The following SDCCAG8 variants were observed in gnomAD, a reference collection of about 807,000 sequenced individuals.
SDCCAG8 encodes the protein SHH signaling and ciliogenesis regulator SDCCAG8.
SDCCAG8 carries 74 observed loss-of-function variants against 101.8 expected under a neutral mutation model. The ratio of observed to expected loss-of-function variants is 0.73; its 90% CI spans 0.60 to 0.88. The LOEUF (loss-of-function observed/expected upper bound fraction) is 0.88, where lower values mean the gene tolerates loss of function less well. SDCCAG8 is among the 40% of genes least tolerant of loss of function. The pLI is 0.00. For missense variants in SDCCAG8, 787 were observed against 822.6 expected (o/e 0.96, Z 0.53); for synonymous variants, 281 against 292.9 (o/e 0.96, Z 0.41).
intron 6 of SDCCAG8, among the ~76,000 whole-genome samples, chr1:243,296,057 G>A (rs1038388097): frequency 7.9e-5 from 12 of 151,904 alleles, no homozygotes; most frequent in South Asian, 4.1e-4. Context: ...GTGCAGTGGC[G>A]CAATCTCAGC....
At chr1:243,317,303 A>G (rs1276563484) in intron 9 of SDCCAG8, among the ~76,000 whole-genome samples, 2 of 151,274 alleles carry the variant, frequency 1.3e-5, no homozygotes, top group Admixed American at 1.3e-4. Context: ...ACAATAATAT[A>G]TACATATTTA....
At chr1:243,425,818 C>T (rs769920649) in intron 15 of SDCCAG8, among the ~76,000 whole-genome samples, 3 of 152,144 alleles carry the variant, frequency 2.0e-5, no homozygotes, top group African/African-American at 7.2e-5. Context: ...CTATTAAGAC[C>T]TTCAGTGGAT....
intron 16 of SDCCAG8, among the ~76,000 whole-genome samples, chr1:243,445,867 C>G (rs2082866867): frequency 6.6e-6 from 1 of 152,190 alleles, no homozygotes; most frequent in South Asian, 2.1e-4. Context: ...CTAAATCACT[C>G]CACTGCGTTT....
intron 16 of SDCCAG8, among the ~76,000 whole-genome samples, chr1:243,461,202 G>A (rs1659038744): frequency 1.3e-5 from 2 of 152,120 alleles, no homozygotes; most frequent in Non-Finnish European, 2.9e-5. Context: ...GCGCTATTTT[G>A]GATAAACATA....
chr1:243,325,604 A>T (rs1255688890), intron 9 of SDCCAG8, among the ~76,000 whole-genome samples: 1 of 152,136 alleles, frequency 6.6e-6, no homozygotes, highest in African/African-American at 2.4e-5. Context: ...GAAAATAAAT[A>T]TATAACTTGA....
At chr1:243,301,151 G>A (rs2071466307) in intron 6 of SDCCAG8, among the ~76,000 whole-genome samples, 2 of 152,104 alleles carry the variant, frequency 1.3e-5, no homozygotes, top group South Asian at 2.1e-4. Flanking sequence ...ACATAAAGAT[G>A]CAGTATTAAA....
At chr1:243,381,763 G>T (rs965668024) in intron 13 of SDCCAG8, among the ~76,000 whole-genome samples, 3 of 152,090 alleles carry the variant, frequency 2.0e-5, no homozygotes, top group Non-Finnish European at 4.4e-5. Flanking sequence ...CTTAGATTGC[G>T]CATACTCTAG....
intron 16 of SDCCAG8, among the ~76,000 whole-genome samples, chr1:243,435,376 C>A (rs1321261213): frequency 6.6e-6 from 1 of 152,152 alleles, no homozygotes; most frequent in Non-Finnish European, 1.5e-5. Flanking sequence ...AAATAATCCA[C>A]AAAAAGGTCT....
At chr1:243,286,621 G>A (rs568066096) in intron 5 of SDCCAG8, among the ~76,000 whole-genome samples, 16 of 152,236 alleles carry the variant, frequency 1.1e-4, no homozygotes, top group African/African-American at 3.4e-4. Flanking sequence ...TGAGCATACC[G>A]TTTCTGCCTT....
chr1:243,495,253 C>G (rs531720965), intron 17 of SDCCAG8, among the ~76,000 whole-genome samples: 43 of 152,346 alleles, frequency 2.8e-4, no homozygotes, highest in African/African-American at 9.6e-4. Flanking sequence ...GGGGCCGCCT[C>G]CCTCTCCCCG....
At chr1:243,339,792 A>T (rs1265376430) in intron 10 of SDCCAG8, among the ~76,000 whole-genome samples, 3 of 152,212 alleles carry the variant, frequency 2.0e-5, no homozygotes, top group African/African-American at 7.2e-5. Context: ...TTAGTAATTG[A>T]TTTAAGTTAT....
At chr1:243,410,339 T>A (rs1448211321) in intron 13 of SDCCAG8, among the ~76,000 whole-genome samples, 1 of 152,184 alleles carries the variant, frequency 6.6e-6, no homozygotes, top group Non-Finnish European at 1.5e-5. Context: ...TTGGGACAGG[T>A]GTACATTTTC....
At chr1:243,256,640 G>C (rs2066723591) in intron 1 of SDCCAG8, among the ~76,000 whole-genome samples, 1 of 152,186 alleles carries the variant, frequency 6.6e-6, no homozygotes. Flanking sequence ...GGGATCAGTG[G>C]GGGGAAACAC....
intron 13 of SDCCAG8, among the ~76,000 whole-genome samples, chr1:243,389,230 G>A (rs1413981193): frequency 6.6e-6 from 1 of 151,702 alleles, no homozygotes; most frequent in African/African-American, 2.4e-5. Context: ...GTGGAGAGAG[G>A]GGAGTGAAGT....
At chr1:243,347,567 G>A (rs2075793317) in intron 12 of SDCCAG8, among the ~76,000 whole-genome samples, 2 of 152,120 alleles carry the variant, frequency 1.3e-5, no homozygotes, top group South Asian at 4.1e-4. Flanking sequence ...TTTATAAAAT[G>A]CCTCATTGTC....
intron 13 of SDCCAG8, among the ~76,000 whole-genome samples, chr1:243,380,139 T>G (rs1312123280): frequency 6.6e-6 from 1 of 152,178 alleles, no homozygotes; most frequent in Non-Finnish European, 1.5e-5. Context: ...ACATGTCTGG[T>G]ATCTAGAAAA....
chr1:243,280,369 T>A (rs1479885588), intron 4 of SDCCAG8, among the ~76,000 whole-genome samples: 1 of 152,100 alleles, frequency 6.6e-6, no homozygotes, highest in African/African-American at 2.4e-5. Context: ...ATTTTATTCA[T>A]CTTTTCAAAG....
intron 16 of SDCCAG8, 22 bp from the exon 17 acceptor site, chr1:243,488,992 T>C (rs1264994745): frequency 6.2e-7 from 1 of 1,613,244 alleles, no homozygotes; most frequent in Admixed American, 1.7e-5. Context: ...CCTCTTTAAT[T>C]CTGCGGTGGA....
In SDCCAG8 at chr1:243,271,012, A is replaced by G. The variant is rs2068038954; in HGVS notation, c.255A>G (p.Ala85=). Residue 85 remains alanine, a synonymous_variant, in exon 3 of 18, where the codon GCA becomes GCG. Coordinates refer to ENST00000366541, the MANE Select transcript of SDCCAG8 (RefSeq NM_006642.5). ...TCAAAGATTTGTTGCGCCAACAAGC[A>G]GATAAGGAAAGTGAAGTATCTCCGT... is the stretch of plus-strand genomic sequence containing the variant. ...NQLKDLLRQQ[A]DKESEVSPSR... 1.9e-6 allele frequency: 3 copies of G among 1,613,702 alleles called. No individual in the cohort carries two copies. Among genetic ancestry groups the G allele is most frequent in the Non-Finnish European group, 2.5e-6 (3 of 1,179,732 alleles).
Sources: gnomAD v4.1 joint callset for allele counts (sites outside exome capture counted in the v4.1 genomes callset) on GRCh38, gnomAD v4.1.1 for gene constraint, MANE v1.5 for transcripts, NCBI Gene and HGNC (gene_info 2026-07-23, HGNC 2026-07-21) for gene names.